Variants in CCDC171 observed in about 807,000 individuals in gnomAD.
The protein encoded by CCDC171 is coiled-coil domain containing 171, also known as coiled-coil domain-containing protein 171.
CCDC171 carries 177 observed loss-of-function variants against 168.2 expected under a neutral mutation model. That is an observed-to-expected ratio of 1.05 (90% confidence interval 0.93 to 1.19). The LOEUF (loss-of-function observed/expected upper bound fraction) is 1.19, where lower values mean the gene tolerates loss of function less well. CCDC171 is among the 50% of genes most tolerant of loss of function. The probability of loss-of-function intolerance (pLI) is 0.00; values close to 1 mark genes in which losing one functional copy is unlikely to be tolerated. For missense variants in CCDC171, 1,991 were observed against 1,539.0 expected (o/e 1.29, Z -4.91); for synonymous variants, 687 against 540.8 (o/e 1.27, Z -3.75).
chr9:15,756,146 A>G (rs1242462683), intron 18 of CCDC171, among the ~76,000 whole-genome samples: 1 of 152,158 alleles, frequency 6.6e-6, no homozygotes, highest in Non-Finnish European at 1.5e-5. Context: ...GAGAAGGGAT[A>G]TTTTGTAGAT....
intron 6 of CCDC171, among the ~76,000 whole-genome samples, chr9:15,606,704 A>G (rs1482899937): frequency 6.6e-6 from 1 of 152,240 alleles, no homozygotes; most frequent in Non-Finnish European, 1.5e-5. Flanking sequence ...ATAAAGAATT[A>G]TACTTTTTGG....
chr9:16,095,871 T>C, the CCDC171 span, among the ~76,000 whole-genome samples: 906 of 50,456 alleles, frequency 0.018, 9 homozygotes, highest in Middle Eastern at 0.03. Flanking sequence ...CATAGGCACA[T>C]ATATATATAT....
chr9:15,628,689 C>A (rs1303910813), intron 7 of CCDC171, among the ~76,000 whole-genome samples: 2 of 152,228 alleles, frequency 1.3e-5, no homozygotes, highest in Non-Finnish European at 2.9e-5. Flanking sequence ...GTTCTCCCAG[C>A]ACGCAGCTGG....
intron 15 of CCDC171, among the ~76,000 whole-genome samples, chr9:15,729,378 A>G (rs2054014082): frequency 6.6e-6 from 1 of 152,180 alleles, no homozygotes; most frequent in South Asian, 2.1e-4. Flanking sequence ...GAAAGAGAAG[A>G]TGAAAAATTT....
chr9:16,076,962 G>A, the CCDC171 span, among the ~76,000 whole-genome samples: 1 of 152,118 alleles, frequency 6.6e-6, no homozygotes, highest in Middle Eastern at 3.2e-3. Flanking sequence ...TTGGATATTT[G>A]GATAATCGTC....
chr9:15,665,583 C>G (rs893012805), intron 8 of CCDC171, among the ~76,000 whole-genome samples: 1 of 152,084 alleles, frequency 6.6e-6, no homozygotes, highest in African/African-American at 2.4e-5. Flanking sequence ...CAGTTTAAGA[C>G]CAGCCTGGGC....
rs192839039 is a variant in CCDC171, at chr9:15,634,692, C to A, written c.822+11279C>A. Among the ~76,000 whole-genome samples the A allele has an allele frequency of 3.0e-4, 46 of 152,250 alleles. 1 individual carries two copies. Among genetic ancestry groups the A allele is most frequent in the Admixed American group, 1.8e-3 (28 of 15,290 alleles). ...TATAAATTTGTCCATTTGAAGTGTA[C>A]AATTCAGTGGTTTTTAGTGTATTCA... On this transcript the variant is annotated intron_variant, in intron 7 of 25. Transcript: ENST00000380701.
At chr9:15,703,452 C>G (rs2051949600) in intron 11 of CCDC171, among the ~76,000 whole-genome samples, 1 of 152,206 alleles carries the variant, frequency 6.6e-6, no homozygotes, top group African/African-American at 2.4e-5. Flanking sequence ...CCATTCTTCT[C>G]TCTACCTCCA....
At chr9:15,887,333 A>T (rs1417535556) in intron 24 of CCDC171, among the ~76,000 whole-genome samples, 1 of 152,204 alleles carries the variant, frequency 6.6e-6, no homozygotes. Flanking sequence ...GAAATGGTTT[A>T]GAAAGTACTT....
At chr9:15,909,589 T>C (rs182045108) in intron 24 of CCDC171, among the ~76,000 whole-genome samples, 4 of 152,160 alleles carry the variant, frequency 2.6e-5, no homozygotes, top group Non-Finnish European at 5.9e-5. Context: ...TCCACATCTT[T>C]GATGGGGATT....
chr9:15,764,050 G>A (rs1454352290), intron 18 of CCDC171, among the ~76,000 whole-genome samples: 1 of 152,144 alleles, frequency 6.6e-6, no homozygotes, highest in East Asian at 1.9e-4. Context: ...GGAAACTGAA[G>A]TGCAGAAACC....
rs375550558 is a variant in CCDC171, at chr9:15,776,280, C to T, written c.2672-1320C>T. 3.3e-5 allele frequency: 5 copies of T among 152,044 alleles called. No homozygotes were observed. In the East Asian group the frequency reaches 5.8e-4, roughly 18 times the overall value. 9.4% of individuals were successfully genotyped at this position (152,044 alleles called of 1,614,324 possible). A position where few individuals can be genotyped will look rare whatever the true frequency, so the allele number is the denominator to read the frequency against. ...AATTTTAGTATATGTGCTGCCGAAG[C>T]GAGCACTTCATCCGTTATTTATTTA... On this transcript the variant is annotated intron_variant, in intron 18 of 25. Coordinates refer to ENST00000380701, the MANE Select transcript of CCDC171 (RefSeq NM_173550.4).
chr9:15,793,273 A>G lies in CCDC171; in HGVS notation c.3267+8579A>G, dbSNP rs559375297. ...GGGATCAATTCAACAAGAAGAGCTAACTATCCTAAATATATATGCACCCAA... is the reference window on the plus strand; with the variant it reads ...GGGATCAATTCAACAAGAAGAGCTAGCTATCCTAAATATATATGCACCCAA... On this transcript the variant is annotated intron_variant, in intron 21 of 25. Coordinates refer to ENST00000380701, the MANE Select transcript of CCDC171 (RefSeq NM_173550.4). Among the ~76,000 whole-genome samples the G allele has an allele frequency of 1.6e-3, 251 of 152,140 alleles. 1 individual carries two copies. The highest frequency in any genetic ancestry group is 5.2e-3 in the African/African-American group (215 of 41,498).
intron 25 of CCDC171, among the ~76,000 whole-genome samples, chr9:15,970,706 C>G (rs1425048495): frequency 1.3e-5 from 2 of 152,112 alleles, no homozygotes; most frequent in African/African-American, 4.8e-5. Flanking sequence ...CCAACAATTT[C>G]TGGATACCAT....
intron 9 of CCDC171, among the ~76,000 whole-genome samples, chr9:15,675,305 A>G (rs1349766209): frequency 6.8e-6 from 1 of 146,912 alleles, no homozygotes; most frequent in Non-Finnish European, 1.5e-5. Context: ...CAGCACACTG[A>G]TGGGTCTTGA....
At chr9:15,583,333 A>G (rs1242736299) in intron 4 of CCDC171, among the ~76,000 whole-genome samples, 1 of 149,174 alleles carries the variant, frequency 6.7e-6, no homozygotes, top group Non-Finnish European at 1.5e-5. Context: ...AATAGCTTGA[A>G]CCTGGGAGGC....
chr9:15,736,133 A>G (rs1443957377), intron 16 of CCDC171, among the ~76,000 whole-genome samples: 1 of 152,174 alleles, frequency 6.6e-6, no homozygotes, highest in Non-Finnish European at 1.5e-5. Context: ...TAGAAGAAAC[A>G]TAACCATATG....
intron 24 of CCDC171, among the ~76,000 whole-genome samples, chr9:15,881,656 C>T (rs2131343057): frequency 6.6e-6 from 1 of 152,264 alleles, no homozygotes; most frequent in South Asian, 2.1e-4. Context: ...CCTCTGGTAA[C>T]CACCAATCTA....
Position 15,744,429 on chromosome 9 carries a change from G to A in CCDC171, c.2206G>A (p.Gly736Ser), listed in dbSNP as rs1263484768. The change falls in exon 17 of 26, where the codon GGT (glycine) becomes AGT (serine). Residue 736 changes from glycine to serine, a missense_variant. Coordinates refer to ENST00000380701, the MANE Select transcript of CCDC171 (RefSeq NM_173550.4). ...GCTGGCAGCCTGTGCATTAATGGCTGGTGCCTTATATCCCCTCTATAGCCG... is the reference window on the plus strand; with the variant it reads ...GCTGGCAGCCTGTGCATTAATGGCTAGTGCCTTATATCCCCTCTATAGCCG... ...SLLAACALMA[G>S]ALYPLYSRSC... is the part of the protein sequence containing the mutation. 2.5e-6 allele frequency: 4 copies of A among 1,614,084 alleles called. No homozygotes were observed. The highest frequency in any genetic ancestry group is 3.4e-6 in the Non-Finnish European group (4 of 1,180,016).
Sources: allele counts gnomAD v4.1 joint callset (sites outside exome capture counted in the v4.1 genomes callset), GRCh38; gene constraint gnomAD v4.1.1; transcripts MANE v1.5; gene names NCBI Gene and HGNC (gene_info 2026-07-23, HGNC 2026-07-21).